Variants in NCAM1 observed in about 807,000 individuals in gnomAD.
NCAM1 encodes antigen recognized by monoclonal antibody 5.1H11.
Under a neutral mutation model 109.8 loss-of-function variants are expected in NCAM1, and 14 were observed. The ratio of observed to expected loss-of-function variants is 0.13; its 90% CI spans 0.08 to 0.20. The LOEUF (loss-of-function observed/expected upper bound fraction) is 0.20. Ranked by LOEUF, NCAM1 falls within the 10% of genes least tolerant of loss-of-function variation. The pLI, the probability that NCAM1 is intolerant of heterozygous loss-of-function variation, is 1.00. For missense variants in NCAM1, 774 were observed against 1,109.9 expected (o/e 0.70, Z 4.30); for synonymous variants, 418 against 442.9 (o/e 0.94, Z 0.70).
At position 113,266,231 on chromosome 11, in the gene NCAM1, G is replaced by A. The variant is rs560611268; in HGVS notation, c.2132-3957G>A. On this transcript the variant is annotated intron_variant, in intron 17 of 19. Transcript: ENST00000316851. ...AACAATTCTGTGATAGCCACTGAGA[G>A]GGAATGGGTGTTGGCTTTCGCCTTC... Among the ~76,000 whole-genome samples the A allele has an allele frequency of 2.0e-5, 3 of 152,336 alleles. No homozygotes were observed. The South Asian group carries it at 6.2e-4, about 32-fold the overall frequency.
At chr11:113,235,826 A>G (rs643830) in intron 14 of NCAM1, among the ~76,000 whole-genome samples, 1 of 152,166 alleles carries the variant, frequency 6.6e-6, no homozygotes, top group African/African-American at 2.4e-5. Context: ...TCTTTCTTTT[A>G]ACTACGCCTA....
At position 113,276,091 on chromosome 11, in the gene NCAM1, C is replaced by A. The variant is rs1438202593; in HGVS notation, c.*704C>A. ...ATTCTTTTTTCTTTCTTTCTTTCTGCCAACTTTGTTTTCCAGTGTTTACAA... is the reference window on the plus strand; with the variant it reads ...ATTCTTTTTTCTTTCTTTCTTTCTGACAACTTTGTTTTCCAGTGTTTACAA... On this transcript the variant is annotated 3_prime_UTR_variant, in exon 20 of 20. Coordinates refer to ENST00000316851, the MANE Select transcript of NCAM1 (RefSeq NM_181351.5). The A allele has an allele frequency of 1.3e-5, 2 of 152,514 alleles. No individual in the cohort carries two copies. Among genetic ancestry groups the A allele is most frequent in the African/African-American group, 4.8e-5 (2 of 41,414 alleles). 9.4% of individuals were successfully genotyped at this position (152,514 alleles called of 1,614,324 possible).
intron 14 of NCAM1, among the ~76,000 whole-genome samples, chr11:113,245,717 G>A (rs1274781240): frequency 6.6e-6 from 1 of 152,112 alleles, no homozygotes; most frequent in Non-Finnish European, 1.5e-5. Context: ...CATCCACCCA[G>A]CCTCATTCAG....
intron 7 of NCAM1, among the ~76,000 whole-genome samples, chr11:113,210,654 G>C (rs534373217): frequency 6.6e-6 from 1 of 151,984 alleles, no homozygotes; most frequent in Non-Finnish European, 1.5e-5. Flanking sequence ...GGCCATGTGG[G>C]ACCGTGGTAG....
intron 1 of NCAM1, among the ~76,000 whole-genome samples, chr11:113,161,376 T>A (rs2574826): frequency 6.6e-6 from 1 of 152,186 alleles, no homozygotes; most frequent in African/African-American, 2.4e-5. Flanking sequence ...ATTCTTTTCT[T>A]TTTTTTCTTG....
At chr11:112,977,375 T>C (rs1951034883) in intron 1 of NCAM1, 1 of 151,902 alleles carries the variant, frequency 6.6e-6, no homozygotes, top group Admixed American at 6.6e-5. Context: ...TCTTTTATAA[T>C]TTGTCTAGCA....
At chr11:113,270,778 T>C (rs544798768) in intron 18 of NCAM1, among the ~76,000 whole-genome samples, 15 of 152,264 alleles carry the variant, frequency 9.9e-5, no homozygotes, top group African/African-American at 2.9e-4. Flanking sequence ...CATTCATCCA[T>C]CACTCAACAA....
chr11:113,145,407 G>T (rs1320681872), intron 1 of NCAM1, among the ~76,000 whole-genome samples: 2 of 152,146 alleles, frequency 1.3e-5, no homozygotes, highest in Non-Finnish European at 2.9e-5. Flanking sequence ...TATATGAAAT[G>T]ATTTAGTATT....
chr11:113,122,003 G>T (rs1323098132), intron 1 of NCAM1, among the ~76,000 whole-genome samples: 1 of 152,196 alleles, frequency 6.6e-6, no homozygotes, highest in African/African-American at 2.4e-5. Context: ...GCTCGGTGTG[G>T]ATGGAATCAG....
At chr11:113,109,985 T>C (rs11214496) in intron 1 of NCAM1, among the ~76,000 whole-genome samples, 10,915 of 152,200 alleles carry the variant, frequency 0.072, 757 homozygotes, top group Admixed American at 0.17. Context: ...TACAGGGAGA[T>C]ATACATGAAT....
chr11:112,992,065 T>C (rs1555070662), intron 1 of NCAM1, among the ~76,000 whole-genome samples: 1 of 152,188 alleles, frequency 6.6e-6, no homozygotes, highest in East Asian at 1.9e-4. Flanking sequence ...GAGGAAGCCA[T>C]GGAGAAAACG....
chr11:112,995,497 CACTATAAAGTG>C (rs782732174), intron 1 of NCAM1, among the ~76,000 whole-genome samples: 3 of 152,184 alleles, frequency 2.0e-5, no homozygotes, highest in Non-Finnish European at 4.4e-5. Context: ...GTACTTTTTA[CACTATAAAGTG>C]CTATGGACAT....
In NCAM1 at chr11:113,278,016, CTATG is replaced by C. The variant is rs1459224354; in HGVS notation, c.*2631_*2634del. ...ACTCCAGTTTCCAATGTCTATGTGT[CTATG>C]TGTGTATGTGCCATACATATGTATT... On this transcript the variant is annotated 3_prime_UTR_variant, in exon 20 of 20. Coordinates refer to ENST00000316851, the MANE Select transcript of NCAM1 (RefSeq NM_181351.5). 2 of 152,084 alleles carry C rather than the reference CTATG, an allele frequency of 1.3e-5. No homozygotes were observed. The highest frequency in any genetic ancestry group is 4.8e-5 in the African/African-American group (2 of 41,406). The allele number at this position is 152,084 out of a possible 1,614,324, so 9.4% of individuals were successfully genotyped here. A position where few individuals can be genotyped will look rare whatever the true frequency, so the allele number is the denominator to read the frequency against.
At chr11:113,135,582 G>C (rs1555099243) in intron 1 of NCAM1, among the ~76,000 whole-genome samples, 1 of 152,184 alleles carries the variant, frequency 6.6e-6, no homozygotes, top group Non-Finnish European at 1.5e-5. Flanking sequence ...AGGATGTTTA[G>C]TGTTAGTGGC....
chr11:112,973,761 A>G (rs1387761159), intron 1 of NCAM1, among the ~76,000 whole-genome samples: 1 of 152,042 alleles, frequency 6.6e-6, no homozygotes, highest in East Asian at 1.9e-4. Flanking sequence ...AGGGATATAC[A>G]ATTCGCGTTG....
At chr11:113,256,729 C>A (rs913215681) in intron 16 of NCAM1, among the ~76,000 whole-genome samples, 4 of 152,216 alleles carry the variant, frequency 2.6e-5, no homozygotes, top group Non-Finnish European at 5.9e-5. Context: ...TTATCACAAC[C>A]CCCACACTGA....
At chr11:113,051,919 C>A (rs1422681638) in intron 1 of NCAM1, among the ~76,000 whole-genome samples, 4 of 152,142 alleles carry the variant, frequency 2.6e-5, no homozygotes, top group African/African-American at 9.7e-5. Flanking sequence ...GACTTTGATA[C>A]CTGTTACAGT....
Position 113,182,240 on chromosome 11 carries a change from AG to A in NCAM1, c.53-20138del, listed in dbSNP as rs1470086187. Among the ~76,000 whole-genome samples the A allele has an allele frequency of 2.0e-5, 3 of 152,278 alleles. No homozygotes were observed. The East Asian group carries it at 5.8e-4, about 29-fold the overall frequency. On this transcript the variant is annotated intron_variant, in intron 1 of 19. Coordinates refer to ENST00000316851, the MANE Select transcript of NCAM1 (RefSeq NM_181351.5). ...GTCTGTCTCGTTCTCTATTTCTCCA[AG>A]CTCACTCTCCTACCAGATGGCAATA... is the stretch of plus-strand genomic sequence containing the variant.
chr11:113,023,679 C>A (rs1952458467), intron 1 of NCAM1, among the ~76,000 whole-genome samples: 1 of 152,106 alleles, frequency 6.6e-6, no homozygotes, highest in Non-Finnish European at 1.5e-5. Context: ...TAAGTCACTA[C>A]AAATATATAC....
Sources: allele counts gnomAD v4.1 joint callset (sites outside exome capture counted in the v4.1 genomes callset), GRCh38; gene constraint gnomAD v4.1.1; transcripts MANE v1.5; gene names NCBI Gene and HGNC (gene_info 2026-07-23, HGNC 2026-07-21).